FNDC1: variants seen among roughly 807,000 people sequenced by gnomAD.
FNDC1 encodes fibronectin type III domain containing 1, also known as fibronectin type III domain-containing protein 1.
In FNDC1, 96 loss-of-function variants were observed where a neutral mutation model predicts 168.0. That is an observed-to-expected ratio of 0.57 (90% CI 0.48 to 0.68). FNDC1 has a LOEUF of 0.68. FNDC1 is among the 30% of genes least tolerant of loss of function. FNDC1 has a pLI of 0.00. For synonymous variants in FNDC1, 1,099 were observed against 1,025.9 expected (o/e 1.07, Z -1.36); for missense variants, 2,587 against 2,482.1 (o/e 1.04, Z -0.90).
intron 22 of FNDC1, among the ~76,000 whole-genome samples, chr6:159,269,299 T>C (rs954591126): frequency 4.0e-5 from 5 of 123,826 alleles, no homozygotes; most frequent in African/African-American, 1.3e-4. Context: ...TATCCATCCA[T>C]CCATCTATCC....
chr6:159,203,369 G>T (rs1334955920), intron 4 of FNDC1, among the ~76,000 whole-genome samples: 1 of 152,170 alleles, frequency 6.6e-6, no homozygotes, highest in African/African-American at 2.4e-5. Context: ...AGTTGAGATC[G>T]TAAGAGACTG....
At chr6:159,176,494 A>G (rs1192626854) in intron 1 of FNDC1, among the ~76,000 whole-genome samples, 1 of 152,252 alleles carries the variant, frequency 6.6e-6, no homozygotes. Context: ...TTTGAGAAGG[A>G]CATAGGCATT....
At chr6:159,250,693 A>T (rs294900) in intron 16 of FNDC1, among the ~76,000 whole-genome samples, 96,181 of 152,084 alleles carry the variant, frequency 0.63, 31,944 homozygotes, top group Middle Eastern at 0.74. Context: ...CCTGAAATAA[A>T]GTATGTAGAA....
intron 14 of FNDC1, among the ~76,000 whole-genome samples, chr6:159,243,685 A>G (rs1371493394): frequency 2.0e-5 from 3 of 152,190 alleles, no homozygotes; most frequent in Non-Finnish European, 4.4e-5. Context: ...ATAGTTCTGA[A>G]TGGTTTAAAA....
chr6:159,226,726 G>A (rs954397389), intron 9 of FNDC1, 146 bp downstream of exon 9: 2 of 573,366 alleles, frequency 3.5e-6, no homozygotes, highest in Non-Finnish European at 5.9e-6. Flanking sequence ...TTTCATGCAA[G>A]ATTTTCATTG....
At chr6:159,267,961 G>A in intron 22 of FNDC1, 35 bp downstream of exon 22, 2 of 1,588,926 alleles carry the variant, frequency 1.3e-6, no homozygotes, top group Non-Finnish European at 1.7e-6. Flanking sequence ...ATTATCCTAG[G>A]AGGTGGGAGA....
chr6:159,187,254 C>G (rs1425530401), intron 1 of FNDC1, among the ~76,000 whole-genome samples: 1 of 152,138 alleles, frequency 6.6e-6, no homozygotes, highest in Non-Finnish European at 1.5e-5. Context: ...GGAATGTGAA[C>G]CAGGGATAGT....
intron 14 of FNDC1, among the ~76,000 whole-genome samples, chr6:159,246,508 T>A (rs1242139172): frequency 1.3e-5 from 2 of 152,202 alleles, no homozygotes; most frequent in Non-Finnish European, 2.9e-5. Flanking sequence ...CGTGACTGCT[T>A]CCTGAGAGCG....
At chr6:159,221,727 C>T in intron 6 of FNDC1, 31 bp downstream of exon 6, 1 of 1,511,100 alleles carries the variant, frequency 6.6e-7, no homozygotes, top group Non-Finnish European at 9.2e-7. Context: ...TTGGTCAAAC[C>T]ATAGTCTGGT....
At chr6:159,224,939 C>T (rs1268704388) in intron 7 of FNDC1, among the ~76,000 whole-genome samples, 4 of 152,132 alleles carry the variant, frequency 2.6e-5, no homozygotes, top group Non-Finnish European at 5.9e-5. Context: ...ATTTCTCCCC[C>T]GATAACCATG....
chr6:159,268,218 AG>A (rs1777631788), intron 22 of FNDC1, among the ~76,000 whole-genome samples: 1 of 152,188 alleles, frequency 6.6e-6, no homozygotes, highest in Non-Finnish European at 1.5e-5. Flanking sequence ...GTAACGTATA[AG>A]CTATTTGATT....
chr6:159,226,170 T>G (rs1051227933), intron 8 of FNDC1, among the ~76,000 whole-genome samples: 3 of 152,210 alleles, frequency 2.0e-5, no homozygotes, highest in African/African-American at 4.8e-5. Flanking sequence ...AAAGTTTCAT[T>G]AAGAAGAAGT....
At chr6:159,207,481 C>A (rs929360120) in intron 4 of FNDC1, among the ~76,000 whole-genome samples, 1 of 152,160 alleles carries the variant, frequency 6.6e-6, no homozygotes, top group South Asian at 2.1e-4. Flanking sequence ...GGTTCACTTG[C>A]TGCTTTCTGA....
intron 4 of FNDC1, among the ~76,000 whole-genome samples, chr6:159,207,268 A>G (rs2114957710): frequency 6.6e-6 from 1 of 152,214 alleles, no homozygotes; most frequent in East Asian, 1.9e-4. Flanking sequence ...GGACACCAGG[A>G]TGTGTGCTTA....
At position 159,251,411 on chromosome 6, in the gene FNDC1, G is replaced by A. The variant is rs1338685345; in HGVS notation, c.4944G>A (p.Leu1648=). 1 of 1,613,944 alleles carries A rather than the reference G, an allele frequency of 6.2e-7. No individual in the cohort carries two copies. The highest frequency in any genetic ancestry group is 1.1e-5 in the South Asian group (1 of 91,060). ...TGGATGAAATCATCCCCAATGACCT[G>A]AAGAAGAGTGACCTGCCTCCCCAGC... ...DSLDEIIPND[L]KKSDLPPQHA... The change falls in exon 17 of 23, where the codon CTG becomes CTA. Residue 1648 remains leucine (L), a synonymous_variant. Transcript: ENST00000297267.
At chr6:159,217,379 G>C (rs1782730992) in intron 5 of FNDC1, among the ~76,000 whole-genome samples, 2 of 152,180 alleles carry the variant, frequency 1.3e-5, no homozygotes, top group African/African-American at 4.8e-5. Context: ...CATGCATTTC[G>C]GAGCCTGGAT....
In FNDC1 at chr6:159,180,070, G is replaced by T. The variant is rs180800954; in HGVS notation, c.109+10365G>T. 2.0e-5 allele frequency among the ~76,000 whole-genome samples: 3 copies of T among 152,316 alleles called. No homozygotes were observed. In the East Asian group the frequency reaches 5.8e-4, roughly 29 times the overall value. On this transcript the variant is annotated intron_variant, in intron 1 of 22. Coordinates refer to ENST00000297267, the MANE Select transcript of FNDC1 (RefSeq NM_032532.3). ...CTGCTGTAATAAAATACCACAAACT[G>T]AGTGGCTTTAAACAACAGAAATGTA...
chr6:159,198,133 G>GT (rs1427076395), intron 2 of FNDC1, among the ~76,000 whole-genome samples: 1 of 152,190 alleles, frequency 6.6e-6, no homozygotes, highest in African/African-American at 2.4e-5. Flanking sequence ...GAATATTTGA[G>GT]ATTTTGCCTC....
intron 9 of FNDC1, 58 bp downstream of exon 9, chr6:159,226,638 G>A: frequency 1.5e-6 from 2 of 1,324,522 alleles, no homozygotes; most frequent in South Asian, 2.7e-5. Flanking sequence ...CATGGCCTCT[G>A]CTTACGGCTT....
Sources: gnomAD v4.1 joint callset for allele counts (sites outside exome capture counted in the v4.1 genomes callset) on GRCh38, gnomAD v4.1.1 for gene constraint, MANE v1.5 for transcripts, NCBI Gene and HGNC (gene_info 2026-07-23, HGNC 2026-07-21) for gene names.